RBFOX1: variants seen among roughly 807,000 people sequenced by gnomAD.
RBFOX1 encodes the protein RNA binding fox-1 homolog 1.
RBFOX1 carries 8 observed loss-of-function variants against 57.7 expected under a neutral mutation model. The ratio of observed to expected loss-of-function variants is 0.14; its 90% CI spans 0.08 to 0.25. RBFOX1 has a LOEUF of 0.25. Among genes scored for constraint, RBFOX1 ranks in the 10% least tolerant of loss-of-function variants. The pLI, the probability that RBFOX1 is intolerant of heterozygous loss-of-function variation, is 1.00. For synonymous variants in RBFOX1, 326 were observed against 222.4 expected (o/e 1.47, Z -4.15); for missense variants, 611 against 548.5 (o/e 1.11, Z -1.14).
intron 3 of RBFOX1, among the ~76,000 whole-genome samples, chr16:7,039,723 G>A (rs4570861): frequency 0.82 from 124,357 of 152,128 alleles, 51,451 homozygotes; most frequent in East Asian, 0.94. Flanking sequence ...GCAAGAAGCA[G>A]TGGGTATGAT....
chr16:5,537,492 G>A (rs969351332), intron 2 of RBFOX1, among the ~76,000 whole-genome samples: 1 of 152,360 alleles, frequency 6.6e-6, no homozygotes, highest in Admixed American at 6.5e-5. Flanking sequence ...GGTGTTGGCA[G>A]AACTTCCTTA....
intron 2 of RBFOX1, among the ~76,000 whole-genome samples, chr16:6,638,236 C>G (rs571139586): frequency 1.3e-5 from 2 of 152,190 alleles, no homozygotes; most frequent in East Asian, 1.9e-4. Flanking sequence ...GGTGGAAAAA[C>G]CAGACAAATG....
At chr16:5,315,532 CT>C (rs2064213252) in intron 1 of RBFOX1, among the ~76,000 whole-genome samples, 2 of 152,160 alleles carry the variant, frequency 1.3e-5, no homozygotes, top group African/African-American at 4.8e-5. Flanking sequence ...GTGTTTTGAG[CT>C]GGGAGGGCTC....
At chr16:6,678,245 C>T (rs1314614712) in intron 3 of RBFOX1, among the ~76,000 whole-genome samples, 3 of 152,146 alleles carry the variant, frequency 2.0e-5, no homozygotes, top group Non-Finnish European at 4.4e-5. Context: ...CAACTTCATC[C>T]TCTCAGGTAG....
intron 3 of RBFOX1, among the ~76,000 whole-genome samples, chr16:5,636,372 T>G (rs1305119847): frequency 6.6e-6 from 1 of 152,086 alleles, no homozygotes; most frequent in Admixed American, 6.5e-5. Context: ...AAATAAAAAT[T>G]AAAAAACCTA....
chr16:6,002,102 G>T (rs2060611296), intron 4 of RBFOX1, among the ~76,000 whole-genome samples: 1 of 151,718 alleles, frequency 6.6e-6, no homozygotes, highest in African/African-American at 2.4e-5. Flanking sequence ...CTCCCCAGTA[G>T]CTGGGACTAC....
At chr16:6,483,597 G>A (rs1268977735) in intron 2 of RBFOX1, 10 of 1,530,332 alleles carry the variant, frequency 6.5e-6, no homozygotes, top group African/African-American at 2.7e-5. Flanking sequence ...AGAGAAAGAG[G>A]GAGAGAGGGA....
intron 1 of RBFOX1, among the ~76,000 whole-genome samples, chr16:5,401,133 C>T (rs185146033): frequency 2.2e-3 from 331 of 152,114 alleles, no homozygotes; most frequent in African/African-American, 7.0e-3. Context: ...CAAGTTTGTG[C>T]TTAGAAGAGC....
At chr16:6,141,259 C>T (rs1320699158) in intron 1 of RBFOX1, among the ~76,000 whole-genome samples, 4 of 152,180 alleles carry the variant, frequency 2.6e-5, no homozygotes, top group Non-Finnish European at 1.5e-5. Context: ...GTAAACCCTT[C>T]TAATCCTCCC....
chr16:6,454,005 G>A (rs1288439007), intron 2 of RBFOX1, among the ~76,000 whole-genome samples: 1 of 152,178 alleles, frequency 6.6e-6, no homozygotes, highest in African/African-American at 2.4e-5. Flanking sequence ...AGGCTTTCCT[G>A]CTTGGTTGGT....
intron 13 of RBFOX1, 99 bp from the exon 14 acceptor site, chr16:7,676,675 T>C: frequency 9.9e-7 from 1 of 1,007,218 alleles, no homozygotes; most frequent in South Asian, 1.3e-5. Context: ...TTTAGCTCAG[T>C]AGATTTGGGT....
intron 3 of RBFOX1, among the ~76,000 whole-genome samples, chr16:5,789,150 T>A (rs1380782480): frequency 6.6e-6 from 1 of 152,228 alleles, no homozygotes; most frequent in Admixed American, 6.5e-5. Context: ...GGAGGATTCA[T>A]CAAAATCTCT....
At chr16:6,910,514 T>C (rs1471485987) in intron 3 of RBFOX1, among the ~76,000 whole-genome samples, 2 of 152,210 alleles carry the variant, frequency 1.3e-5, no homozygotes, top group African/African-American at 4.8e-5. Context: ...ACAACCTACA[T>C]GCTTTTCCTT....
intron 12 of RBFOX1, among the ~76,000 whole-genome samples, chr16:7,655,512 C>T (rs751701350): frequency 2.4e-4 from 37 of 152,120 alleles, no homozygotes; most frequent in Non-Finnish European, 4.7e-4. Flanking sequence ...AAGGAGTTGT[C>T]GATAGTATAA....
chr16:6,384,042 C>T (rs928813005), intron 2 of RBFOX1, among the ~76,000 whole-genome samples: 2 of 147,276 alleles, frequency 1.4e-5, no homozygotes, highest in Non-Finnish European at 3.0e-5. Flanking sequence ...CACCATTCAT[C>T]TCTCTTGATT....
At chr16:7,697,285 C>T (rs1421724755) in intron 14 of RBFOX1, among the ~76,000 whole-genome samples, 2 of 152,108 alleles carry the variant, frequency 1.3e-5, no homozygotes, top group Non-Finnish European at 2.9e-5. Flanking sequence ...GACATACTGG[C>T]AGATTAGAAG....
chr16:5,405,343 C>T (rs2066835753), intron 1 of RBFOX1, among the ~76,000 whole-genome samples: 1 of 152,206 alleles, frequency 6.6e-6, no homozygotes, highest in South Asian at 2.1e-4. Context: ...CTTTCTCATG[C>T]TGTTCTCATG....
intron 4 of RBFOX1, among the ~76,000 whole-genome samples, chr16:7,130,497 A>G (rs2069995666): frequency 6.6e-6 from 1 of 152,156 alleles, no homozygotes; most frequent in South Asian, 2.1e-4. Context: ...GCAGTACTCT[A>G]ATGCCTAACA....
rs191935319 is a variant in RBFOX1, at chr16:5,269,922, C to T, written c.219+29817C>T. ...GAAATCCCAGTGCTTTGGGAGGCTG[C>T]GGTGGGAGGATTGCTTGAGGCCAGG... is the stretch of plus-strand genomic sequence containing the variant. On this transcript the variant is annotated intron_variant, in intron 1 of 2. Transcript: ENST00000585867. 5.9e-5 allele frequency among the ~76,000 whole-genome samples: 9 copies of T among 151,760 alleles called. No homozygotes were observed. The South Asian group carries it at 6.3e-4, about 11-fold the overall frequency.
Sources: allele counts gnomAD v4.1 joint callset (sites outside exome capture counted in the v4.1 genomes callset), GRCh38; gene constraint gnomAD v4.1.1; transcripts MANE v1.5; gene names NCBI Gene and HGNC (gene_info 2026-07-23, HGNC 2026-07-21).